The following GNA11 variants were observed in gnomAD, a reference collection of about 807,000 sequenced individuals.
GNA11 encodes G protein subunit alpha 11.
In GNA11, 8 loss-of-function variants were observed where a neutral mutation model predicts 38.2. That is an observed-to-expected ratio of 0.21 (90% CI 0.12 to 0.38). The LOEUF (loss-of-function observed/expected upper bound fraction) is 0.38, where lower values mean the gene tolerates loss of function less well. Among genes scored for constraint, GNA11 ranks in the 10% least tolerant of loss-of-function variants. The pLI is 1.00. For missense variants in GNA11, 268 were observed against 516.3 expected, an observed-to-expected ratio of 0.52 and a Z score of 4.66; for synonymous variants, 211 against 221.4, an observed-to-expected ratio of 0.95 and a Z score of 0.42.
In GNA11 at chr19:3,108,371, C is replaced by G. The variant is rs961442429; in HGVS notation, c.137-1778C>G. ...GCTTGGGGGCTTTCTAGAGCAGAGGCTGTGAGAGGAAGTGAGCTGGGTCCC... is the reference window on the plus strand; with the variant it reads ...GCTTGGGGGCTTTCTAGAGCAGAGGGTGTGAGAGGAAGTGAGCTGGGTCCC... On this transcript the variant is annotated intron_variant, in intron 1 of 6. Transcript: ENST00000078429. This position sits in a 1 kb window ranked among gnomAD's most constrained non-coding sequence, Gnocchi z 4.5. Among the ~76,000 whole-genome samples the G allele has an allele frequency of 6.6e-6, 1 of 152,126 alleles. No homozygotes were observed. The highest frequency in any genetic ancestry group is 2.4e-5 in the African/African-American group (1 of 41,414).
In GNA11 at chr19:3,123,235, G is replaced by A. The variant is rs886782799; in HGVS notation, c.*2056G>A. The A allele has an allele frequency of 6.0e-5, 14 of 233,226 alleles. No individual in the cohort carries two copies. Among genetic ancestry groups the A allele is most frequent in the African/African-American group, 2.0e-4 (9 of 45,354 alleles). 14.4% of individuals were successfully genotyped at this position (233,226 alleles called of 1,614,324 possible). The stretch of plus-strand genomic sequence containing the variant: ...AGTCGCCCAGCACGCAGGCCGGGGC[G>A]CTGCGGGGCTAAGTATTAGGCCTTC... On this transcript the variant is annotated 3_prime_UTR_variant, in exon 7 of 7. Transcript: ENST00000078429.
In GNA11 at chr19:3,110,471, C is replaced by A; in HGVS notation, c.321+138C>A. ...GGCTACCCCTGGTCATCCATCCGTT[C>A]CTGTCATGGACATGGAAACAGCAAC... On this transcript the variant is annotated intron_variant, in intron 2 of 6. Transcript: ENST00000078429. This position sits in a 1 kb window ranked among gnomAD's most constrained non-coding sequence, Gnocchi z 5.4. The A allele has an allele frequency of 1.5e-6, 1 of 655,008 alleles. No homozygotes were observed. The highest frequency in any genetic ancestry group is 2.6e-6 in the Non-Finnish European group (1 of 381,598). 40.6% of individuals were successfully genotyped at this position (655,008 alleles called of 1,614,324 possible). A position where few individuals can be genotyped will look rare whatever the true frequency, so the allele number is the denominator to read the frequency against.
rs896146495 is a variant in GNA11, at chr19:3,122,675, G to A, written c.*1496G>A. The A allele has an allele frequency of 2.1e-5, 5 of 233,514 alleles. No individual in the cohort carries two copies. Among genetic ancestry groups the A allele is most frequent in the Non-Finnish European group, 3.4e-5 (4 of 118,282 alleles). 14.5% of individuals were successfully genotyped at this position (233,514 alleles called of 1,614,324 possible). ...GGGATGGATCGCCTGTGCTGCCTTC[G>A]CCCGCCGCCACACCGGGACCCTGCA... is the stretch of plus-strand genomic sequence containing the variant. On this transcript the variant is annotated 3_prime_UTR_variant, in exon 7 of 7. Coordinates refer to ENST00000078429, the MANE Select transcript of GNA11 (RefSeq NM_002067.5). This position sits in a 1 kb window ranked among gnomAD's most constrained non-coding sequence, Gnocchi z 7.7.
chr19:3,104,080 A>G (rs938361021), intron 1 of GNA11, among the ~76,000 whole-genome samples: 19 of 152,138 alleles, frequency 1.2e-4, no homozygotes, highest in African/African-American at 4.6e-4. Flanking sequence ...CCTCGGCCTC[A>G]AAGTGCTGGG....
At chr19:3,097,211 AGGT>A (rs1415267818) in intron 1 of GNA11, among the ~76,000 whole-genome samples, 1 of 150,956 alleles carries the variant, frequency 6.6e-6, no homozygotes, top group Non-Finnish European at 1.5e-5. Context: ...GGGCTGCAGC[AGGT>A]GGCTATGGCG....
intron 1 of GNA11, among the ~76,000 whole-genome samples, chr19:3,101,424 G>A (rs759388469): frequency 2.0e-5 from 3 of 152,056 alleles, no homozygotes; most frequent in Admixed American, 6.6e-5. Context: ...CTGTGGGGCC[G>A]GGTCCACGCT....
chr19:3,105,259 T>A (rs1913612308), intron 1 of GNA11, among the ~76,000 whole-genome samples: 1 of 152,198 alleles, frequency 6.6e-6, no homozygotes. Flanking sequence ...TGTTCTCTTT[T>A]CCTAACATTT....
chr19:3,115,382 G>A, intron 4 of GNA11: 1 of 301,374 alleles, frequency 3.3e-6, no homozygotes. Flanking sequence ...TCCAGCCTGG[G>A]CGACAGAGGG....
intron 1 of GNA11, among the ~76,000 whole-genome samples, chr19:3,103,521 T>G (rs1350054337): frequency 0.043 from 1,461 of 34,092 alleles, 165 homozygotes; most frequent in African/African-American, 0.12. Context: ...CCTTGAATCT[T>G]TTTTTTTTTT....
intron 1 of GNA11, among the ~76,000 whole-genome samples, chr19:3,097,798 G>A (rs1164017472): frequency 1.3e-5 from 2 of 152,202 alleles, no homozygotes; most frequent in African/African-American, 4.8e-5. Flanking sequence ...TCTCCCCGGG[G>A]CCCTGTGCAC....
At position 3,121,301 on chromosome 19, in the gene GNA11, A is replaced by AT. The variant is rs201102241; in HGVS notation, c.*133dup. The AT allele has an allele frequency of 0.11, 57,575 of 514,728 alleles. 1,223 individuals are homozygous for AT. The highest frequency in any genetic ancestry group is 0.13 in the Non-Finnish European group (37,501 of 292,104). 31.9% of individuals were successfully genotyped at this position (514,728 alleles called of 1,614,324 possible). On this transcript the variant is annotated 3_prime_UTR_variant, in exon 7 of 7. Transcript: ENST00000078429. ...CCGGGGCCTCTGCCCGCGGGAGGAG[A>AT]TTTTTTTTTTTCATATTTTTAACAA...
intron 1 of GNA11, among the ~76,000 whole-genome samples, chr19:3,109,778 T>G (rs1166025138): frequency 6.6e-6 from 1 of 152,240 alleles, no homozygotes; most frequent in Non-Finnish European, 1.5e-5. Context: ...GGTCATGAAC[T>G]GGCGTGACCG....
rs1249629447 is a variant in GNA11, at chr19:3,108,465, G to A, written c.137-1684G>A. Among the ~76,000 whole-genome samples, 3 of 152,056 alleles carry A rather than the reference G, an allele frequency of 2.0e-5. No individual in the cohort carries two copies. Among genetic ancestry groups the A allele is most frequent in the Admixed American group, 6.5e-5 (1 of 15,270 alleles). The stretch of plus-strand genomic sequence containing the variant: ...TGGGCAGAGGGCAACAGCGTAGGAC[G>A]TGTGTGGAAGTGGGGAGGTGCCGGA... On this transcript the variant is annotated intron_variant, in intron 1 of 6. Coordinates refer to ENST00000078429, the MANE Select transcript of GNA11 (RefSeq NM_002067.5). This position sits in a 1 kb window ranked among gnomAD's most constrained non-coding sequence, Gnocchi z 4.5.
Position 3,108,298 on chromosome 19 carries a change from G to A in GNA11, c.137-1851G>A, listed in dbSNP as rs1447258911. On this transcript the variant is annotated intron_variant, in intron 1 of 6. Coordinates refer to ENST00000078429, the MANE Select transcript of GNA11 (RefSeq NM_002067.5). The surrounding 1 kb of genome is among the most constrained non-coding windows in gnomAD (Gnocchi z 4.5). Reference sequence around the variant, plus strand: ...CACCTGTGCAAAGATATCTACCATGGGCAGCAAGGAAGGTTCCAGAAAGTA... The same window carrying A: ...CACCTGTGCAAAGATATCTACCATGAGCAGCAAGGAAGGTTCCAGAAAGTA... Among the ~76,000 whole-genome samples the A allele has an allele frequency of 3.9e-5, 6 of 152,198 alleles. No homozygotes were observed. The highest frequency in any genetic ancestry group is 2.0e-4 in the Admixed American group (3 of 15,278).
Position 3,123,737 on chromosome 19 carries a change from TAC to T in GNA11, c.*2562_*2563del, listed in dbSNP as rs1284783116. 25 of 232,652 alleles carry T rather than the reference TAC, an allele frequency of 1.1e-4. No homozygotes were observed. Among genetic ancestry groups the T allele is most frequent in the Non-Finnish European group, 2.0e-4 (24 of 117,726 alleles). 14.4% of individuals were successfully genotyped at this position (232,652 alleles called of 1,614,324 possible). On this transcript the variant is annotated 3_prime_UTR_variant, in exon 7 of 7. Coordinates refer to ENST00000078429, the MANE Select transcript of GNA11 (RefSeq NM_002067.5). ...ACGGGACCCAGTGATACTTGTATAT[TAC>T]ACAGTCCTGATTTCAGACAATTTCA...
At chr19:3,098,257 T>C (rs1032955886) in intron 1 of GNA11, among the ~76,000 whole-genome samples, 1 of 152,238 alleles carries the variant, frequency 6.6e-6, no homozygotes, top group African/African-American at 2.4e-5. Flanking sequence ...AAGCACGTAC[T>C]GCGCACTTAG....
intron 4 of GNA11, among the ~76,000 whole-genome samples, chr19:3,115,673 G>T (rs1018932318): frequency 8.0e-5 from 12 of 150,910 alleles, no homozygotes; most frequent in Admixed American, 4.6e-4. Context: ...GGAGCAGGGG[G>T]TGCCGCATGG....
In GNA11 at chr19:3,123,843, G is replaced by A. The variant is rs572196081; in HGVS notation, c.*2664G>A. The A allele has an allele frequency of 5.2e-5, 12 of 232,444 alleles. No homozygotes were observed. The highest frequency in any genetic ancestry group is 1.2e-4 in the East Asian group (2 of 16,452). The allele number at this position is 232,444 out of a possible 1,614,324, so 14.4% of individuals were successfully genotyped here. A position where few individuals can be genotyped will look rare whatever the true frequency, so the allele number is the denominator to read the frequency against. Reference sequence around the variant, plus strand: ...ACCATTTGAAATGCATGTGTTGTGCGCGTTGGGGATGGGAGGAGGGGCTGA... The same window carrying A: ...ACCATTTGAAATGCATGTGTTGTGCACGTTGGGGATGGGAGGAGGGGCTGA... On this transcript the variant is annotated 3_prime_UTR_variant, in exon 7 of 7. Transcript: ENST00000078429.
chr19:3,104,061 A>T (rs1384523066), intron 1 of GNA11, among the ~76,000 whole-genome samples: 2 of 151,618 alleles, frequency 1.3e-5, no homozygotes, highest in Non-Finnish European at 2.9e-5. Context: ...ACCTCAAATG[A>T]TCCACCTGCC....
Sources: allele counts gnomAD v4.1 joint callset (sites outside exome capture counted in the v4.1 genomes callset), GRCh38; gene constraint gnomAD v4.1.1; non-coding constraint Gnocchi (gnomAD v3.1); transcripts MANE v1.5; gene names NCBI Gene and HGNC (gene_info 2026-07-23, HGNC 2026-07-21).